Variants in DMD observed in about 807,000 individuals in gnomAD.
The protein encoded by DMD is dystrophin, also known as mutant dystrophin.
In DMD, 63 loss-of-function variants were observed where a neutral mutation model predicts 330.1. The ratio of observed to expected loss-of-function variants is 0.19; its 90% CI spans 0.16 to 0.24. The LOEUF is 0.24. DMD is among the 10% of genes least tolerant of loss of function. The pLI, the probability that DMD is intolerant of heterozygous loss-of-function variation, is 1.00. For missense variants in DMD, 3,344 were observed against 2,684.1 expected, an observed-to-expected ratio of 1.25 and a Z score of -5.43; for synonymous variants, 1,223 against 959.8, an observed-to-expected ratio of 1.27 and a Z score of -5.07.
intron 72 of DMD, among the ~76,000 whole-genome samples, chrX:31,173,003 G>A (rs1468981871): frequency 1.8e-5 from 2 of 110,993 alleles, no homozygotes; most frequent in Non-Finnish European, 3.8e-5. Context: ...AAACTCTTAC[G>A]GATTTAACAA....
chrX:33,288,823 T>C (rs942443918), intron 1 of DMD, among the ~76,000 whole-genome samples: 6 of 111,904 alleles, frequency 5.4e-5, no homozygotes, highest in Non-Finnish European at 1.1e-4. Context: ...ACATTAAGGA[T>C]TGTAACCAAG....
intron 67 of DMD, among the ~76,000 whole-genome samples, chrX:31,203,055 G>A (rs1183240565): frequency 9.0e-6 from 1 of 110,627 alleles, no homozygotes; most frequent in African/African-American, 3.3e-5. Flanking sequence ...TTCGAGGCAG[G>A]TGGATCACCT....
intron 7 of DMD, among the ~76,000 whole-genome samples, chrX:32,713,602 TTTC>T (rs1426456589): frequency 1.8e-5 from 2 of 112,079 alleles, no homozygotes; most frequent in Non-Finnish European, 3.8e-5. Flanking sequence ...CTCTAGATTA[TTTC>T]TTGTCACCTA....
chrX:31,671,272 T>C (rs1234906191), intron 53 of DMD, among the ~76,000 whole-genome samples: 2 of 112,412 alleles, frequency 1.8e-5, no homozygotes, highest in Non-Finnish European at 3.8e-5. Flanking sequence ...AAGGGTTTTG[T>C]ACTTTGTCAC....
chrX:32,591,605 A>T (rs940459380), intron 13 of DMD, among the ~76,000 whole-genome samples: 2 of 112,486 alleles, frequency 1.8e-5, no homozygotes, highest in African/African-American at 6.5e-5. Flanking sequence ...TGGCAGCAGC[A>T]GCCTGTCTGG....
At chrX:33,124,476 G>GAAAAAAAAA (rs56147804) in intron 1 of DMD, among the ~76,000 whole-genome samples, 2 of 16,132 alleles carry the variant, frequency 1.2e-4, no homozygotes, top group African/African-American at 5.5e-4. Flanking sequence ...GACTCTGTCT[G>GAAAAAAAAA]AAAAAAAAAA....
intron 16 of DMD, among the ~76,000 whole-genome samples, chrX:32,561,104 A>C (rs1036178966): frequency 9.0e-6 from 1 of 111,282 alleles, no homozygotes; most frequent in African/African-American, 3.3e-5. Flanking sequence ...TTGTATCTTG[A>C]CTTTTTAAAA....
At chrX:33,333,069 A>C (rs780557504) in intron 1 of DMD, among the ~76,000 whole-genome samples, 21 of 110,761 alleles carry the variant, frequency 1.9e-4, no homozygotes, top group African/African-American at 6.9e-4. Context: ...ACAAGAACTA[A>C]ATTTGCCAGG....
intron 12 of DMD, 60 bp from the exon 13 acceptor site, chrX:32,595,936 G>T: frequency 9.9e-7 from 1 of 1,005,924 alleles, no homozygotes; most frequent in Non-Finnish European, 1.4e-6. Context: ...GTGTTGAAAT[G>T]ATTTGCTCTC....
intron 62 of DMD, among the ~76,000 whole-genome samples, chrX:31,266,159 C>CAAAAAAAAAAAAAAAAAAAAAAAAAAAA (rs1174153877): frequency 1.5e-4 from 2 of 13,331 alleles, no homozygotes; most frequent in African/African-American, 3.7e-4. Context: ...TCCCGAAGGG[C>CAAAAAAAAAAAAAAAAAAAAAAAAAAAA]AAAAAAAAAA....
chrX:32,281,910 C>G (rs1291955787), intron 43 of DMD, among the ~76,000 whole-genome samples: 1 of 111,621 alleles, frequency 9.0e-6, no homozygotes, highest in Non-Finnish European at 1.9e-5. Flanking sequence ...AAGCTCAGAA[C>G]CATCTTGAAT....
chrX:31,329,015 C>T (rs2056950271), intron 61 of DMD, among the ~76,000 whole-genome samples: 1 of 112,377 alleles, frequency 8.9e-6, no homozygotes, highest in South Asian at 3.7e-4. Flanking sequence ...AGACCAATGA[C>T]ATCTATACAA....
At chrX:31,540,843 T>C (rs1056109715) in intron 55 of DMD, among the ~76,000 whole-genome samples, 2 of 112,063 alleles carry the variant, frequency 1.8e-5, no homozygotes, top group East Asian at 2.8e-4. Flanking sequence ...TTGGTACAAA[T>C]AGAAACGCTG....
At chrX:31,350,975 C>T (rs1227108028) in intron 60 of DMD, among the ~76,000 whole-genome samples, 1 of 110,701 alleles carries the variant, frequency 9.0e-6, no homozygotes, top group Non-Finnish European at 1.9e-5. Flanking sequence ...TTCTCCTGCA[C>T]TTGCACTGGG....
chrX:31,382,203 A>G (rs1338231084), intron 60 of DMD, among the ~76,000 whole-genome samples: 6 of 111,444 alleles, frequency 5.4e-5, no homozygotes, highest in African/African-American at 2.0e-4. Flanking sequence ...ACTGGACAAT[A>G]CTTTTACCAC....
At chrX:32,449,777 T>A (rs994705741) in intron 26 of DMD, among the ~76,000 whole-genome samples, 2 of 110,451 alleles carry the variant, frequency 1.8e-5, no homozygotes. Context: ...ACACTGTATC[T>A]TTAGTCTGTG....
chrX:32,232,601 TATC>T (rs1347287595), intron 43 of DMD, among the ~76,000 whole-genome samples: 1 of 111,882 alleles, frequency 8.9e-6, no homozygotes, highest in East Asian at 2.8e-4. Flanking sequence ...TATGAGTAAA[TATC>T]ATCACAAAAG....
At chrX:33,128,715 AAAAAG>A (rs1166727262) in intron 1 of DMD, among the ~76,000 whole-genome samples, 1 of 112,185 alleles carries the variant, frequency 8.9e-6, no homozygotes. Context: ...AGAAGGAAGC[AAAAAG>A]AAGAGACTGG....
rs1244441806 is a variant in DMD at position 31,951,161 on chromosome X, A to ATATATATATATG, written c.6614+17177_6614+17178insCATATATATATA. ...TATATGTGTATATATATATATATGT[A>ATATATATATATG]TATATATATATATGTATATATATAT... On this transcript the variant is annotated intron_variant, in intron 45 of 78. Coordinates refer to ENST00000357033, the MANE Select transcript of DMD (RefSeq NM_004006.3). Among the ~76,000 whole-genome samples, 403 of 86,892 alleles carry ATATATATATATG rather than the reference A, an allele frequency of 4.6e-3. 14 individuals carry two copies. The highest frequency in any genetic ancestry group is 0.018 in the African/African-American group (387 of 21,035). The allele number at this position is 86,892 out of a possible 115,157, so 75.5% of individuals were successfully genotyped here. A position where few individuals can be genotyped will look rare whatever the true frequency, so the allele number is the denominator to read the frequency against.
Sources: gnomAD v4.1 joint callset for allele counts (sites outside exome capture counted in the v4.1 genomes callset) on GRCh38, gnomAD v4.1.1 for gene constraint, MANE v1.5 for transcripts, NCBI Gene and HGNC (gene_info 2026-07-23, HGNC 2026-07-21) for gene names.